ERC1: variants seen among roughly 807,000 people sequenced by gnomAD.
The protein encoded by ERC1 is ELKS/RAB6-interacting/CAST family member 1, also known as RAB6 interacting protein 2.
ERC1 carries 56 observed loss-of-function variants against 132.0 expected under a neutral mutation model. The observed-to-expected ratio is 0.42, with a 90% confidence interval of 0.34 to 0.53. ERC1 has a LOEUF of 0.53. Among genes scored for constraint, ERC1 ranks in the 20% least tolerant of loss-of-function variants. The pLI is 0.03. For synonymous variants in ERC1, 478 were observed against 476.1 expected (o/e 1.00, Z -0.05); for missense variants, 1,202 against 1,349.9 (o/e 0.89, Z 1.72).
intron 15 of ERC1, among the ~76,000 whole-genome samples, chr12:1,345,215 CTG>C (rs1267508076): frequency 7.6e-6 from 1 of 130,986 alleles, no homozygotes; most frequent in Non-Finnish European, 1.6e-5. Context: ...GAGTCTCACT[CTG>C]TCGCCCAGGC....
At chr12:1,253,734 G>T (rs996409098) in intron 13 of ERC1, among the ~76,000 whole-genome samples, 1 of 152,126 alleles carries the variant, frequency 6.6e-6, no homozygotes, top group Non-Finnish European at 1.5e-5. Context: ...GTGTAGCTTG[G>T]TGTTGACAGA....
At chr12:1,418,662 TTTCTTTTC>T (rs1162869962) in intron 17 of ERC1, among the ~76,000 whole-genome samples, 5 of 112,892 alleles carry the variant, frequency 4.4e-5, no homozygotes, top group East Asian at 2.2e-4. Context: ...TCTCTCTCTC[TTTCTTTTC>T]TTTCTTTCTT....
intron 15 of ERC1, among the ~76,000 whole-genome samples, chr12:1,371,506 GA>G (rs1471792698): frequency 1.3e-5 from 2 of 151,794 alleles, no homozygotes; most frequent in African/African-American, 4.8e-5. Flanking sequence ...TAACTTCAAA[GA>G]ATTGTTGGAA....
intron 15 of ERC1, among the ~76,000 whole-genome samples, chr12:1,290,576 C>T (rs1425285386): frequency 6.6e-6 from 1 of 152,190 alleles, no homozygotes; most frequent in African/African-American, 2.4e-5. Flanking sequence ...TGTTGTGAAG[C>T]ATGTATACAT....
intron 18 of ERC1, among the ~76,000 whole-genome samples, chr12:1,489,696 G>C (rs991706905): frequency 1.3e-5 from 2 of 152,206 alleles, no homozygotes; most frequent in African/African-American, 2.4e-5. Flanking sequence ...GGCAAATGGA[G>C]AAGTCCTTTA....
At chr12:1,065,430 C>T (rs1938928291) in intron 2 of ERC1, among the ~76,000 whole-genome samples, 1 of 147,506 alleles carries the variant, frequency 6.8e-6, no homozygotes, top group Non-Finnish European at 1.5e-5. Context: ...ATATATATCT[C>T]CTTGTTGAAT....
intron 1 of ERC1, among the ~76,000 whole-genome samples, chr12:1,013,186 CAGTG>C (rs1389962362): frequency 6.6e-6 from 1 of 152,108 alleles, no homozygotes; most frequent in Non-Finnish European, 1.5e-5. Context: ...ATCAGGTTAT[CAGTG>C]AGCACTAGAG....
chr12:1,417,394 G>T (rs1289230714), intron 17 of ERC1, among the ~76,000 whole-genome samples: 1 of 150,858 alleles, frequency 6.6e-6, no homozygotes, highest in African/African-American at 2.4e-5. Context: ...CATCTCATGA[G>T]CATGTACTGA....
chr12:1,193,477 T>C (rs940104315), intron 12 of ERC1, among the ~76,000 whole-genome samples: 2 of 151,854 alleles, frequency 1.3e-5, no homozygotes. Flanking sequence ...TAAATACATA[T>C]ATACACACAT....
chr12:1,303,955 G>GAAAAAAAAAAAAAAA (rs59587052), intron 15 of ERC1, among the ~76,000 whole-genome samples: 1 of 86,458 alleles, frequency 1.2e-5, no homozygotes, highest in Non-Finnish European at 2.7e-5. Flanking sequence ...CTCCATCTCA[G>GAAAAAAAAAAAAAAA]AAAAAAAAAA....
At chr12:1,336,319 T>C (rs904126229) in intron 15 of ERC1, among the ~76,000 whole-genome samples, 1 of 152,162 alleles carries the variant, frequency 6.6e-6, no homozygotes, top group Non-Finnish European at 1.5e-5. Context: ...CTCGGTTCTC[T>C]AGTTCTTTTA....
At chr12:1,365,694 G>A (rs186483514) in intron 15 of ERC1, among the ~76,000 whole-genome samples, 17 of 152,316 alleles carry the variant, frequency 1.1e-4, no homozygotes, top group African/African-American at 4.1e-4. Flanking sequence ...TTAGGCTAAT[G>A]CAATGCAGAA....
chr12:1,153,521 G>GA (rs1951026354), intron 8 of ERC1, among the ~76,000 whole-genome samples: 1 of 152,240 alleles, frequency 6.6e-6, no homozygotes, highest in African/African-American at 2.4e-5. Context: ...CTTATTCAGA[G>GA]AAGCAGTCCA....
chr12:1,441,127 C>T (rs536178111), intron 17 of ERC1, among the ~76,000 whole-genome samples: 3 of 151,750 alleles, frequency 2.0e-5, no homozygotes, highest in South Asian at 4.2e-4. Flanking sequence ...GGTGCGATCT[C>T]GGCTCACTGC....
rs544349429 is a variant in ERC1 at position 1,450,585 on chromosome 12, A to G, written c.3213+5835A>G. 2.0e-5 allele frequency among the ~76,000 whole-genome samples: 3 copies of G among 152,212 alleles called. No homozygotes were observed. In the South Asian group the frequency reaches 6.2e-4, roughly 32 times the overall value. On this transcript the variant is annotated intron_variant, in intron 18 of 18. Transcript: ENST00000360905. ...TTGCTTCCACATTTTAGCTCTCATG[A>G]ATAGTGCTACCGTGAACACGGGTGT...
intron 16 of ERC1, among the ~76,000 whole-genome samples, chr12:1,396,098 G>C (rs1358814368): frequency 1.3e-5 from 2 of 152,190 alleles, no homozygotes; most frequent in Non-Finnish European, 2.9e-5. Flanking sequence ...TGTGAAACTA[G>C]TGTAAGGAAC....
chr12:1,465,384 C>G (rs1258737820), intron 18 of ERC1, among the ~76,000 whole-genome samples: 1 of 151,606 alleles, frequency 6.6e-6, no homozygotes, highest in African/African-American at 2.4e-5. Flanking sequence ...ACCAATCTTA[C>G]TGAGACGGCC....
At chr12:1,158,595 A>G (rs1485340435) in intron 8 of ERC1, among the ~76,000 whole-genome samples, 1 of 142,540 alleles carries the variant, frequency 7.0e-6, no homozygotes, top group Admixed American at 7.2e-5. Flanking sequence ...ATGCCCAGCT[A>G]ATTTTTCTTT....
At chr12:1,022,421 A>T (rs1966517217) in intron 1 of ERC1, among the ~76,000 whole-genome samples, 1 of 152,216 alleles carries the variant, frequency 6.6e-6, no homozygotes, top group African/African-American at 2.4e-5. Context: ...TATTTCATTT[A>T]AAACAAACAA....
Sources: gnomAD v4.1 joint callset for allele counts (sites outside exome capture counted in the v4.1 genomes callset) on GRCh38, gnomAD v4.1.1 for gene constraint, MANE v1.5 for transcripts, NCBI Gene and HGNC (gene_info 2026-07-23, HGNC 2026-07-21) for gene names.